Variants in SHISA5 observed in about 807,000 individuals in gnomAD.
SHISA5 encodes protein shisa-5.
SHISA5 carries 21 observed loss-of-function variants against 27.5 expected under a neutral mutation model. The ratio of observed to expected loss-of-function variants is 0.76; its 90% CI spans 0.54 to 1.10. SHISA5 has a LOEUF of 1.10. Among genes scored for constraint, SHISA5 ranks in the 50% least tolerant of loss-of-function variants. The pLI is 0.00. For synonymous variants in SHISA5, 137 were observed against 142.2 expected (o/e 0.96, Z 0.26); for missense variants, 314 against 336.3 (o/e 0.93, Z 0.52).
intron 2 of SHISA5, among the ~76,000 whole-genome samples, chr3:48,490,056 C>T (rs188454794): frequency 3.7e-4 from 57 of 152,204 alleles, no homozygotes; most frequent in African/African-American, 1.4e-3. Flanking sequence ...GCCGCCACCT[C>T]CGTTTTTTTT....
At position 48,468,441 on chromosome 3, in the gene SHISA5, C is replaced by A. The variant is rs2040439784; in HGVS notation, c.*666G>T. 3 of 1,149,310 alleles carry A rather than the reference C, an allele frequency of 2.6e-6. No individual in the cohort carries two copies. The African/African-American group carries it at 4.8e-5, about 19-fold the overall frequency. The allele number at this position is 1,149,310 out of a possible 1,614,324, so 71.2% of individuals were successfully genotyped here. A position where few individuals can be genotyped will look rare whatever the true frequency, so the allele number is the denominator to read the frequency against. ...ATGCGGGGACAGGGGACAGTCCAGG[C>A]AGACAGGTACAGCTGAGTAGGGCTC... On this transcript the variant is annotated 3_prime_UTR_variant, in exon 6 of 6. Transcript: ENST00000296444.
At chr3:48,476,831 G>A (rs778894660) in intron 3 of SHISA5, 4 of 270,570 alleles carry the variant, frequency 1.5e-5, no homozygotes, top group African/African-American at 4.6e-5. Flanking sequence ...TGCTCTTCTC[G>A]ATGCATGGGC....
chr3:48,485,622 T>C (rs2041191675), intron 2 of SHISA5, among the ~76,000 whole-genome samples: 1 of 144,146 alleles, frequency 6.9e-6, no homozygotes, highest in Admixed American at 7.1e-5. Context: ...ATATATAATA[T>C]ATAGATATTA....
intron 1 of SHISA5, chr3:48,503,591 A>C (rs1288762994): frequency 1.2e-5 from 7 of 561,164 alleles, no homozygotes; most frequent in Non-Finnish European, 1.7e-5. Context: ...CTACAGGAAC[A>C]CAAGGGCCAA....
rs199983750 is a variant in SHISA5 at position 48,471,578 on chromosome 3, A to AAAACT, written c.315-1736_315-1735insAGTTT. On this transcript the variant is annotated intron_variant, in intron 3 of 5. Coordinates refer to ENST00000296444, the MANE Select transcript of SHISA5 (RefSeq NM_016479.6). Reference sequence around the variant, plus strand: ...TCAAAAAAAAAAAAAAAAAAAAAAAAGTCAGCCTTACATTTTGTACTGGAT... The same window carrying AAAACT: ...TCAAAAAAAAAAAAAAAAAAAAAAAAAAACTGTCAGCCTTACATTTTGTACTGGAT... 1.0e-3 allele frequency among the ~76,000 whole-genome samples: 117 copies of AAAACT among 113,614 alleles called. 19 individuals are homozygous for AAAACT. The highest frequency in any genetic ancestry group is 2.2e-3 in the African/African-American group (63 of 28,082). The allele number at this position is 113,614 out of a possible 152,430, so 74.5% of individuals were successfully genotyped here.
At chr3:48,504,314 C>T (rs2041842568), upstream of SHISA5, 3 of 359,258 alleles carry the variant, frequency 8.4e-6, no homozygotes, top group Non-Finnish European at 1.5e-5. The surrounding 1 kb of genome is among the most constrained non-coding windows in gnomAD (Gnocchi z 4.0). Flanking sequence ...AAGCGGACGA[C>T]TTCCCAGCCT....
intron 2 of SHISA5, among the ~76,000 whole-genome samples, chr3:48,497,901 AAG>A (rs1021227416): frequency 2.0e-5 from 3 of 149,662 alleles, no homozygotes; most frequent in Admixed American, 6.6e-5. Flanking sequence ...AAAAAAAAAG[AAG>A]AGAGAGAGAG....
At chr3:48,489,613 C>A (rs547070035) in intron 2 of SHISA5, among the ~76,000 whole-genome samples, 122 of 143,744 alleles carry the variant, frequency 8.5e-4, no homozygotes, top group African/African-American at 3.0e-3. Context: ...TGAGCCACTG[C>A]GCCTGGCCTT....
At chr3:48,479,891 T>C (rs1052356289) in intron 2 of SHISA5, among the ~76,000 whole-genome samples, 1 of 145,636 alleles carries the variant, frequency 6.9e-6, no homozygotes, top group Non-Finnish European at 1.5e-5. Context: ...ACACCTGGCC[T>C]ACATTTCCAC....
At chr3:48,472,428 G>A (rs780239315) in intron 3 of SHISA5, among the ~76,000 whole-genome samples, 18 of 152,172 alleles carry the variant, frequency 1.2e-4, no homozygotes, top group Admixed American at 3.9e-4. Context: ...CCCATGAGGC[G>A]GAGGTTGCAG....
Position 48,496,044 on chromosome 3 carries a change from T to G in SHISA5, c.233+5093A>C, listed in dbSNP as rs972496026. Among the ~76,000 whole-genome samples, 473 of 145,200 alleles carry G rather than the reference T, an allele frequency of 3.3e-3. 7 individuals are homozygous for G. Among genetic ancestry groups the G allele is most frequent in the Non-Finnish European group, 3.2e-3 (219 of 67,482 alleles). ...GCTCAAGCCTGTAATCCCAGCACTT[T>G]GGGAGGCCGAGGCAGGCGGATCACA... On this transcript the variant is annotated intron_variant, in intron 2 of 5. Transcript: ENST00000296444.
chr3:48,472,341 AAAG>A (rs1292478116), intron 3 of SHISA5, among the ~76,000 whole-genome samples: 3 of 150,802 alleles, frequency 2.0e-5, no homozygotes, highest in Non-Finnish European at 4.4e-5. Context: ...ACAAAAAAAA[AAAG>A]AATTAGCCGG....
chr3:48,482,451 C>T (rs1005398566), intron 2 of SHISA5, among the ~76,000 whole-genome samples: 1 of 151,996 alleles, frequency 6.6e-6, no homozygotes, highest in Non-Finnish European at 1.5e-5. Flanking sequence ...ATTTGGATTC[C>T]GATTTGGACA....
At chr3:48,501,849 T>G (rs576591991) in intron 1 of SHISA5, among the ~76,000 whole-genome samples, 14 of 146,706 alleles carry the variant, frequency 9.5e-5, no homozygotes, top group Admixed American at 5.4e-4. Context: ...CACTGGACTG[T>G]CCCTTTCTTT....
chr3:48,493,051 T>G (rs2041476461), intron 2 of SHISA5, among the ~76,000 whole-genome samples: 1 of 147,614 alleles, frequency 6.8e-6, no homozygotes, highest in Admixed American at 6.6e-5. Flanking sequence ...CATGTTTCAC[T>G]AAGGATATGC....
In SHISA5 at chr3:48,504,043, G is replaced by GCAA; in HGVS notation, c.51_52insTTG (p.Leu20dup). 1 of 1,463,206 alleles carries GCAA rather than the reference G, an allele frequency of 6.8e-7. No homozygotes were observed. 90.6% of individuals were successfully genotyped at this position (1,463,206 alleles called of 1,614,324 possible). A position where few individuals can be genotyped will look rare whatever the true frequency, so the allele number is the denominator to read the frequency against. On this transcript the variant is annotated inframe_insertion, in exon 1 of 6. Transcript: ENST00000296444. The surrounding 1 kb of genome is among the most constrained non-coding windows in gnomAD (Gnocchi z 4.0). ...CCACCCGGAGGCGGCGTTAGCAGCA[G>GCAA]CAGCAACAGCAACGGCAACAGGATC...
chr3:48,491,984 T>C (rs2041441848), intron 2 of SHISA5, among the ~76,000 whole-genome samples: 1 of 151,792 alleles, frequency 6.6e-6, no homozygotes, highest in Non-Finnish European at 1.5e-5. Context: ...AATGTACCTA[T>C]GGTCTCATTC....
intron 2 of SHISA5, among the ~76,000 whole-genome samples, chr3:48,486,730 T>TA (rs1248068636): frequency 6.9e-6 from 1 of 145,460 alleles, no homozygotes; most frequent in African/African-American, 2.5e-5. Flanking sequence ...CTGTCTCTAC[T>TA]AAAAATAAAA....
upstream of SHISA5, chr3:48,504,227 C>T (rs757864468): frequency 8.2e-6 from 3 of 365,102 alleles, no homozygotes; most frequent in African/African-American, 2.1e-5. The surrounding 1 kb of genome is among the most constrained non-coding windows in gnomAD (Gnocchi z 4.0). Flanking sequence ...AACCTCTGTC[C>T]GGGGGAGCAG....
Sources: allele counts gnomAD v4.1 joint callset (sites outside exome capture counted in the v4.1 genomes callset), GRCh38; gene constraint gnomAD v4.1.1; non-coding constraint Gnocchi (gnomAD v3.1); transcripts MANE v1.5; gene names NCBI Gene and HGNC (gene_info 2026-07-23, HGNC 2026-07-21).